Variants in RAPGEF5 observed in about 807,000 individuals in gnomAD.
The protein encoded by RAPGEF5 is Rap guanine nucleotide exchange factor 5, also known as M-Ras-regulated GEF.
A neutral mutation model predicts 125.2 loss-of-function variants in RAPGEF5; 65 were observed. The observed-to-expected ratio is 0.52, with a 90% confidence interval of 0.43 to 0.64. The LOEUF (loss-of-function observed/expected upper bound fraction) is 0.64. Among genes scored for constraint, RAPGEF5 ranks in the 30% least tolerant of loss-of-function variants. The pLI, the probability that RAPGEF5 is intolerant of heterozygous loss-of-function variation, is 0.00. For synonymous variants in RAPGEF5, 391 were observed against 385.9 expected (o/e 1.01, Z -0.16); for missense variants, 958 against 1,048.1 (o/e 0.91, Z 1.19).
intron 17 of RAPGEF5, among the ~76,000 whole-genome samples, chr7:22,152,567 C>A (rs148317169): frequency 0.024 from 3,592 of 152,178 alleles, 51 homozygotes; most frequent in Middle Eastern, 0.065. Context: ...TATAACTACC[C>A]TGGGTAAAAA....
intron 1 of RAPGEF5, among the ~76,000 whole-genome samples, chr7:22,330,687 T>C (rs1314586413): frequency 6.6e-6 from 1 of 152,180 alleles, no homozygotes. Flanking sequence ...CAAAGTCAAA[T>C]ATCAGTAACT....
intron 11 of RAPGEF5, among the ~76,000 whole-genome samples, chr7:22,173,836 C>T (rs1477808332): frequency 6.2e-5 from 2 of 32,252 alleles, no homozygotes; most frequent in Non-Finnish European, 1.2e-4. Context: ...GGCCTCATAG[C>T]TCCTGTTGTT....
At chr7:22,333,147 A>T (rs1783953947) in intron 1 of RAPGEF5, among the ~76,000 whole-genome samples, 1 of 152,172 alleles carries the variant, frequency 6.6e-6, no homozygotes, top group South Asian at 2.1e-4. Context: ...CTCATGTTAA[A>T]CTGTCACGAA....
chr7:22,158,329 GTC>G (rs1389685502), intron 14 of RAPGEF5, among the ~76,000 whole-genome samples: 1 of 152,180 alleles, frequency 6.6e-6, no homozygotes, highest in East Asian at 1.9e-4. Flanking sequence ...TCCAGGATGT[GTC>G]TCTGTGTGGT....
At chr7:22,259,126 T>C (rs553145089) in intron 7 of RAPGEF5, among the ~76,000 whole-genome samples, 18 of 151,722 alleles carry the variant, frequency 1.2e-4, no homozygotes, top group Non-Finnish European at 2.2e-4. Context: ...AAAGAACTGT[T>C]ATCCAAAATA....
At chr7:22,197,915 A>C (rs1785189916) in intron 9 of RAPGEF5, among the ~76,000 whole-genome samples, 1 of 135,940 alleles carries the variant, frequency 7.4e-6, no homozygotes, top group Non-Finnish European at 1.6e-5. Context: ...GTAGGAGGAC[A>C]TTCTCACTCT....
At chr7:22,195,806 CAAAT>C (rs902117912) in intron 9 of RAPGEF5, among the ~76,000 whole-genome samples, 1 of 152,150 alleles carries the variant, frequency 6.6e-6, no homozygotes, top group African/African-American at 2.4e-5. Context: ...ACAGAACAAA[CAAAT>C]AATTCTGTTC....
At chr7:22,171,230 T>C (rs775794213) in intron 11 of RAPGEF5, among the ~76,000 whole-genome samples, 8 of 152,174 alleles carry the variant, frequency 5.3e-5, no homozygotes, top group Non-Finnish European at 1.0e-4. Flanking sequence ...TAGCCGACAA[T>C]AGCCATTTAG....
chr7:22,295,389 T>C (rs192622949), intron 5 of RAPGEF5, among the ~76,000 whole-genome samples: 8 of 152,306 alleles, frequency 5.3e-5, no homozygotes, highest in Admixed American at 2.0e-4. Context: ...ATTTTTCACA[T>C]TTGATTTTGA....
At chr7:22,219,762 AC>A (rs1233461828) in intron 9 of RAPGEF5, 103 bp downstream of exon 9, 1 of 1,431,022 alleles carries the variant, frequency 7.0e-7, no homozygotes, top group Non-Finnish European at 9.3e-7. Context: ...AACCCCCAAA[AC>A]CTAAAGAATT....
chr7:22,188,369 G>C (rs1784885418), intron 11 of RAPGEF5, among the ~76,000 whole-genome samples: 1 of 152,126 alleles, frequency 6.6e-6, no homozygotes, highest in Non-Finnish European at 1.5e-5. Context: ...TAAATATCAA[G>C]GGATTATCAT....
In RAPGEF5 at chr7:22,145,048, C is replaced by T. The variant is rs1199345171; in HGVS notation, c.2182G>A (p.Ala728Thr). The change falls in exon 20 of 26, where the codon GCT becomes ACT. Residue 728 changes from alanine to threonine, a missense_variant. Ala to Thr is a moderately conservative substitution (Grantham distance 58, BLOSUM62 0). Coordinates refer to ENST00000665637, the MANE Select transcript of RAPGEF5 (RefSeq NM_012294.5). Reference sequence around the variant, plus strand: ...CTTCTCACACTAGAAACTTACTGAGCCGCAATTTTGATGAATTTTTTCACC... The same window carrying T: ...CTTCTCACACTAGAAACTTACTGAGTCGCAATTTTGATGAATTTTTTCACC... ...QLVKKFIKIA[A>T]HCKAQRNLNS... The T allele has an allele frequency of 6.2e-7, 1 of 1,612,598 alleles. No homozygotes were observed. Among genetic ancestry groups the T allele is most frequent in the Admixed American group, 1.7e-5 (1 of 59,946 alleles).
At chr7:22,244,662 G>A (rs1316487680) in intron 7 of RAPGEF5, among the ~76,000 whole-genome samples, 1 of 152,046 alleles carries the variant, frequency 6.6e-6, no homozygotes, top group African/African-American at 2.4e-5. Context: ...TAATAATAAA[G>A]TGCACAGTAA....
intron 23 of RAPGEF5, among the ~76,000 whole-genome samples, chr7:22,134,448 T>A (rs1055715853): frequency 1.3e-5 from 2 of 151,854 alleles, no homozygotes; most frequent in Non-Finnish European, 2.9e-5. Context: ...GAGGTCTCGA[T>A]AAACTCAGCA....
chr7:22,316,939 A>G (rs1200254189), intron 2 of RAPGEF5, among the ~76,000 whole-genome samples: 1 of 151,866 alleles, frequency 6.6e-6, no homozygotes, highest in African/African-American at 2.4e-5. Context: ...GGAAGTAGGA[A>G]GGGAAGCAAA....
chr7:22,280,203 A>C (rs1782643688), intron 6 of RAPGEF5, among the ~76,000 whole-genome samples: 2 of 152,206 alleles, frequency 1.3e-5, no homozygotes, highest in South Asian at 2.1e-4. Context: ...AGGAAAAAAA[A>C]GAGATTTCTA....
chr7:22,138,746 T>C (rs1412748417), intron 21 of RAPGEF5, among the ~76,000 whole-genome samples: 1 of 152,268 alleles, frequency 6.6e-6, no homozygotes, highest in Non-Finnish European at 1.5e-5. Context: ...GCTCTGCACA[T>C]AGCAGGCAGT....
intron 20 of RAPGEF5, among the ~76,000 whole-genome samples, chr7:22,142,485 T>C (rs1783294300): frequency 2.6e-5 from 4 of 152,180 alleles, no homozygotes; most frequent in Admixed American, 2.6e-4. Context: ...TCCTGGTCCA[T>C]ATAGCTTTCT....
At chr7:22,199,970 C>T (rs1785240593) in intron 9 of RAPGEF5, among the ~76,000 whole-genome samples, 1 of 152,188 alleles carries the variant, frequency 6.6e-6, no homozygotes, top group South Asian at 2.1e-4. Context: ...CTATGCTCTG[C>T]ACCCTTTCCA....
Sources: gnomAD v4.1 joint callset for allele counts (sites outside exome capture counted in the v4.1 genomes callset) on GRCh38, gnomAD v4.1.1 for gene constraint, MANE v1.5 for transcripts, NCBI Gene and HGNC (gene_info 2026-07-23, HGNC 2026-07-21) for gene names.